Variants in MYBPC3 observed in about 807,000 individuals in gnomAD.
The protein encoded by MYBPC3 is myosin binding protein C3, also known as myosin-binding protein C, cardiac-type.
A neutral mutation model predicts 159.3 loss-of-function variants in MYBPC3; 108 were observed. The ratio of observed to expected loss-of-function variants is 0.68; its 90% CI spans 0.58 to 0.80. The LOEUF is 0.80. Among genes scored for constraint, MYBPC3 ranks in the 30% least tolerant of loss-of-function variants. The pLI, the probability that MYBPC3 is intolerant of heterozygous loss-of-function variation, is 0.00. For synonymous variants in MYBPC3, 730 were observed against 702.0 expected (o/e 1.04, Z -0.63); for missense variants, 1,631 against 1,762.1 (o/e 0.93, Z 1.33).
rs578018624 is a variant in MYBPC3, at chr11:47,337,360, C to A, written c.2602+31G>T. The A allele has an allele frequency of 3.5e-5, 51 of 1,456,380 alleles. 1 individual carries two copies. In the South Asian group the frequency reaches 6.0e-4, roughly 17 times the overall value. 90.2% of individuals were successfully genotyped at this position (1,456,380 alleles called of 1,614,324 possible). A position where few individuals can be genotyped will look rare whatever the true frequency, so the allele number is the denominator to read the frequency against. ...TGGAGGTTTTTAACTGGGGAGGGGG[C>A]GGGGGGCAGGACCAGGCCAGGCAGG... On this transcript the variant is annotated intron_variant, in intron 25 of 34. Transcript: ENST00000545968.
chr11:47,348,046 C>T, intron 6 of MYBPC3, 141 bp from the exon 7 acceptor site: 1 of 845,458 alleles, frequency 1.2e-6, no homozygotes, highest in South Asian at 1.6e-5. Context: ...CCCAGGATCT[C>T]ACCTTCCCAG....
chr11:47,344,073 T>G (rs2095891983), intron 12 of MYBPC3, among the ~76,000 whole-genome samples: 1 of 152,042 alleles, frequency 6.6e-6, no homozygotes, highest in South Asian at 2.1e-4. Context: ...ACAGGCATGG[T>G]GTCTTCATTT....
Position 47,337,439 on chromosome 11 carries a change from T to TGGCGTTGAC in MYBPC3, c.2545_2553dup (p.Val849_Ala851dup). 6.2e-7 allele frequency: 1 copy of TGGCGTTGAC among 1,611,502 alleles called. No homozygotes were observed. Among genetic ancestry groups the TGGCGTTGAC allele is most frequent in the South Asian group, 1.1e-5 (1 of 91,062 alleles). On this transcript the variant is annotated inframe_insertion, in exon 25 of 35. Transcript: ENST00000545968. ...GCAGGGCTGGGCCTGGACATGCCGA[T>TGGCGTTGAC]GGCGTTGACCGCGTAGACGCGCATC...
rs1428600113 is a variant in MYBPC3 at position 47,351,100 on chromosome 11, G to C, written c.292+139C>G. 19 of 1,130,270 alleles carry C rather than the reference G, an allele frequency of 1.7e-5. No individual in the cohort carries two copies. The highest frequency in any genetic ancestry group is 2.3e-5 in the Non-Finnish European group (19 of 827,104). 70.0% of individuals were successfully genotyped at this position (1,130,270 alleles called of 1,614,324 possible). On this transcript the variant is annotated intron_variant, in intron 2 of 34. Transcript: ENST00000545968. The surrounding 1 kb of genome is among the most constrained non-coding windows in gnomAD (Gnocchi z 4.2). The stretch of plus-strand genomic sequence containing the variant: ...GTCATGTGCAGAAAAGGGGGAAAGG[G>C]CGTTCCTGGCGGGGGGCACAGCCAC...
chr11:47,339,386 T>G lies in MYBPC3; in HGVS notation c.2086A>C (p.Arg696=). 1 of 1,614,058 alleles carries G rather than the reference T, an allele frequency of 6.2e-7. No individual in the cohort carries two copies. The highest frequency in any genetic ancestry group is 8.5e-7 in the Non-Finnish European group (1 of 1,179,888). ...AITQGNKAPA[R]PAPDAPEDTG... ...TCCTCTGGGGCATCTGGGGCTGGCCTGGCTGGGGCCTTATTCCCCTGGGAA... is the reference window on the plus strand; with the variant it reads ...TCCTCTGGGGCATCTGGGGCTGGCCGGGCTGGGGCCTTATTCCCCTGGGAA... The change falls in exon 22 of 35, where the codon AGG becomes CGG. Residue 696 remains arginine, a synonymous_variant. Coordinates refer to ENST00000545968, the MANE Select transcript of MYBPC3 (RefSeq NM_000256.3).
chr11:47,332,552 C>G lies in MYBPC3; in HGVS notation c.3627+14G>C. On this transcript the variant is annotated intron_variant, in intron 32 of 34. Transcript: ENST00000545968. This position sits in a 1 kb window ranked among gnomAD's most constrained non-coding sequence, Gnocchi z 4.2. Reference sequence around the variant, plus strand: ...CCTCCTGGTCGGCCTGGACCAGCGCCTAAAGTTCCCTACCTTGGGGCTACC... The same window carrying G: ...CCTCCTGGTCGGCCTGGACCAGCGCGTAAAGTTCCCTACCTTGGGGCTACC... 1 of 1,601,302 alleles carries G rather than the reference C, an allele frequency of 6.2e-7. No homozygotes were observed. Among genetic ancestry groups the G allele is most frequent in the Non-Finnish European group, 8.5e-7 (1 of 1,170,726 alleles).
intron 33 of MYBPC3, 42 bp from the exon 34 acceptor site, chr11:47,331,923 C>T: frequency 6.2e-7 from 1 of 1,606,172 alleles, no homozygotes; most frequent in Non-Finnish European, 8.5e-7. Context: ...TCCCAGCCTT[C>T]TGGAAGCTAT....
At chr11:47,331,799 A>C in intron 34 of MYBPC3, 46 bp downstream of exon 34, 1 of 1,558,568 alleles carries the variant, frequency 6.4e-7, no homozygotes, top group East Asian at 2.4e-5. Flanking sequence ...ACCAAGGGCC[A>C]GGGCTCAGCC....
At position 47,333,553 on chromosome 11, in the gene MYBPC3, G is replaced by A. The variant is rs571457875; in HGVS notation, c.3190+4C>T. 5.6e-5 allele frequency: 90 copies of A among 1,599,838 alleles called. 2 individuals carry two copies. Among genetic ancestry groups the A allele is most frequent in the South Asian group, 5.4e-4 (49 of 91,078 alleles). Reference sequence around the variant, plus strand: ...GGGGGCTCAAGGAGGCCTTGGCCACGCACCAACAACCTGCAGCACCAGCGT... The same window carrying A: ...GGGGGCTCAAGGAGGCCTTGGCCACACACCAACAACCTGCAGCACCAGCGT... On this transcript the variant is annotated splice_donor_region_variant and intron_variant, in intron 29 of 34. Transcript: ENST00000545968.
Position 47,337,457 on chromosome 11 carries a change from C to T in MYBPC3, c.2536G>A (p.Val846Ile), listed in dbSNP as rs747774791. Residue 846 changes from valine to isoleucine, a missense_variant, in exon 25 of 35, where the codon GTC (valine) becomes ATC (isoleucine). By Grantham distance (29) the Val-to-Ile change is conservative. Coordinates refer to ENST00000545968, the MANE Select transcript of MYBPC3 (RefSeq NM_000256.3). ...ATGCCGATGGCGTTGACCGCGTAGA[C>T]GCGCATCTCGTACACCACGCCCTCG... ...MIEGVVYEMR[V>I]YAVNAIGMSR... 5.6e-6 allele frequency: 9 copies of T among 1,613,446 alleles called. No homozygotes were observed. In the Admixed American group the frequency reaches 8.3e-5, roughly 15 times the overall value.
At position 47,338,816 on chromosome 11, in the gene MYBPC3, G is replaced by C; in HGVS notation, c.2149-137C>G. The C allele has an allele frequency of 8.8e-7, 1 of 1,141,714 alleles. No individual in the cohort carries two copies. Among genetic ancestry groups the C allele is most frequent in the Non-Finnish European group, 1.2e-6 (1 of 831,042 alleles). The allele number at this position is 1,141,714 out of a possible 1,614,324, so 70.7% of individuals were successfully genotyped here. On this transcript the variant is annotated intron_variant, in intron 22 of 34. Coordinates refer to ENST00000545968, the MANE Select transcript of MYBPC3 (RefSeq NM_000256.3). The surrounding 1 kb of genome is among the most constrained non-coding windows in gnomAD (Gnocchi z 4.7). ...AAGACTGCATCCACGTCAGCATCTA[G>C]TTCAAAATCATCTCTGTGGCACCGA...
In MYBPC3 at chr11:47,350,025, T is replaced by C; in HGVS notation, c.494A>G (p.Glu165Gly). The C allele has an allele frequency of 1.9e-6, 3 of 1,557,662 alleles. No individual in the cohort carries two copies. Among genetic ancestry groups the C allele is most frequent in the Non-Finnish European group, 2.6e-6 (3 of 1,150,970 alleles). The change falls in exon 4 of 35, where the codon GAG (glutamate) becomes GGG (glycine). Residue 165 changes from glutamate (E) to glycine (G), a missense_variant. Transcript: ENST00000545968. ...CAGCTCACACTCACCCACGGTCACC[T>C]CGCCATCCTGTGGCCGCATCACGAA... is the stretch of plus-strand genomic sequence containing the variant. ...GLFVMRPQDG[E>G]VTVGGSITFS... is the part of the protein sequence containing the mutation.
chr11:47,335,941 C>G lies in MYBPC3; in HGVS notation c.2673G>C (p.Arg891=). The change falls in exon 26 of 35, where the codon CGG becomes CGC. Residue 891 remains arginine, a synonymous_variant. Coordinates refer to ENST00000545968, the MANE Select transcript of MYBPC3 (RefSeq NM_000256.3). The part of the protein sequence containing the change: ...VSDTTVSLKW[R]PPERVGAGGL... Reference sequence around the variant, plus strand: ...CTCCTGCTCCCACGCGCTCTGGGGGCCGCCACTTGAGGGAGACCGTGGTGT... The same window carrying G: ...CTCCTGCTCCCACGCGCTCTGGGGGGCGCCACTTGAGGGAGACCGTGGTGT... 1 of 1,563,466 alleles carries G rather than the reference C, an allele frequency of 6.4e-7. No individual in the cohort carries two copies. Among genetic ancestry groups the G allele is most frequent in the South Asian group, 1.2e-5 (1 of 84,094 alleles).
intron 27 of MYBPC3, among the ~76,000 whole-genome samples, chr11:47,334,636 T>C (rs2095880462): frequency 6.6e-6 from 1 of 151,972 alleles, no homozygotes. Context: ...TCTCAGCTCA[T>C]TGCAACTGCC....
Position 47,346,911 on chromosome 11 carries a change from G to A in MYBPC3, c.908+116C>T. 2.7e-6 allele frequency: 2 copies of A among 741,728 alleles called. No homozygotes were observed. The highest frequency in any genetic ancestry group is 2.8e-5 in the South Asian group (2 of 71,008). 45.9% of individuals were successfully genotyped at this position (741,728 alleles called of 1,614,324 possible). A position where few individuals can be genotyped will look rare whatever the true frequency, so the allele number is the denominator to read the frequency against. ...GGCACAGAGACTCACCCCTGTCCGTGGGGAGCCGCACCCTGCTCTGAGTCT... is the reference window on the plus strand; with the variant it reads ...GGCACAGAGACTCACCCCTGTCCGTAGGGAGCCGCACCCTGCTCTGAGTCT... On this transcript the variant is annotated intron_variant, in intron 10 of 34. Transcript: ENST00000545968. This position sits in a 1 kb window ranked among gnomAD's most constrained non-coding sequence, Gnocchi z 5.3.
chr11:47,339,090 T>C (rs1037289094), intron 22 of MYBPC3, among the ~76,000 whole-genome samples: 4 of 152,166 alleles, frequency 2.6e-5, no homozygotes, highest in Non-Finnish European at 5.9e-5. Flanking sequence ...AGCAGCCCAG[T>C]CATGAGGGCT....
chr11:47,335,409 C>T (rs1302925360), intron 26 of MYBPC3, among the ~76,000 whole-genome samples, 200 bp from the exon 27 acceptor site: 1 of 152,260 alleles, frequency 6.6e-6, no homozygotes, highest in Non-Finnish European at 1.5e-5. Context: ...CTCACCGCAA[C>T]TTCTGCCTCC....
In MYBPC3 at chr11:47,352,535, CCCT is replaced by C. The variant is rs1393498074; in HGVS notation, c.25+85_25+87del. ...CTCAGAGGCCACGTCCTCGTCAACC[CCCT>C]CAAGAACTCCCTCCTAGCCCTGCTC... On this transcript the variant is annotated intron_variant, in intron 1 of 34. Coordinates refer to ENST00000545968, the MANE Select transcript of MYBPC3 (RefSeq NM_000256.3). The C allele has an allele frequency of 4.5e-6, 7 of 1,541,868 alleles. No individual in the cohort carries two copies. In the African/African-American group the frequency reaches 5.6e-5, roughly 12 times the overall value.
intron 6 of MYBPC3, 150 bp from the exon 7 acceptor site, chr11:47,348,055 A>G (rs2095896233): frequency 2.6e-6 from 2 of 783,460 alleles, no homozygotes; most frequent in Non-Finnish European, 4.2e-6. Flanking sequence ...TCACCTTCCC[A>G]GCCTTTCCCA....
Sources: allele counts gnomAD v4.1 joint callset (sites outside exome capture counted in the v4.1 genomes callset), GRCh38; gene constraint gnomAD v4.1.1; non-coding constraint Gnocchi (gnomAD v3.1); transcripts MANE v1.5; gene names NCBI Gene and HGNC (gene_info 2026-07-23, HGNC 2026-07-21).